The following DNAH7 variants were observed in gnomAD, a reference collection of about 807,000 sequenced individuals.
DNAH7 encodes dynein axonemal heavy chain 7.
DNAH7 carries 397 observed loss-of-function variants against 444.6 expected under a neutral mutation model. The ratio of observed to expected loss-of-function variants is 0.89; its 90% CI spans 0.82 to 0.97. DNAH7 has a LOEUF of 0.97. Among genes scored for constraint, DNAH7 ranks in the 50% least tolerant of loss-of-function variants. The pLI is 0.00. For synonymous variants in DNAH7, 1,636 were observed against 1,624.4 expected, an observed-to-expected ratio of 1.01 and a Z score of -0.17; for missense variants, 4,902 against 4,800.8, an observed-to-expected ratio of 1.02 and a Z score of -0.62.
intron 2 of DNAH7, among the ~76,000 whole-genome samples, chr2:196,053,006 C>T (rs1161347967): frequency 6.7e-6 from 1 of 149,742 alleles, no homozygotes; most frequent in Non-Finnish European, 1.5e-5. Flanking sequence ...AGGACTAAGT[C>T]CCTCTGCTTA....
chr2:195,865,368 T>C (rs1700268129), intron 40 of DNAH7, among the ~76,000 whole-genome samples: 1 of 152,204 alleles, frequency 6.6e-6, no homozygotes. Flanking sequence ...TGGGCACCAG[T>C]ACCCAGGGGG....
intron 63 of DNAH7, among the ~76,000 whole-genome samples, chr2:195,742,831 TA>T (rs1693124461): frequency 6.6e-6 from 1 of 152,210 alleles, no homozygotes; most frequent in South Asian, 2.1e-4. Context: ...GAATCTTAGG[TA>T]ATTGCATCTA....
At position 195,895,235 on chromosome 2, in the gene DNAH7, ATGATT is replaced by A. The variant is rs1702240175; in HGVS notation, c.4648-16_4648-12del. On this transcript the variant is annotated splice_polypyrimidine_tract_variant and intron_variant, in intron 29 of 64. Coordinates refer to ENST00000312428, the MANE Select transcript of DNAH7 (RefSeq NM_018897.3). ...ATCCGAAGTAATTCCCTGATGATAG[ATGATT>A]TGAAGGATTTACATTTTATATATTT... 6.3e-7 allele frequency: 1 copy of A among 1,581,736 alleles called. No homozygotes were observed. The highest frequency in any genetic ancestry group is 1.3e-5 in the African/African-American group (1 of 74,392).
intron 12 of DNAH7, chr2:195,994,941 C>CTT: frequency 6.7e-6 from 2 of 296,770 alleles, no homozygotes; most frequent in Non-Finnish European, 6.5e-6. Context: ...TTCCTTCTTC[C>CTT]TTTTCTTTAG....
rs1029869475 is a variant in DNAH7 at position 196,068,556 on chromosome 2, G to A, written c.15+141C>T. On this transcript the variant is annotated intron_variant, in intron 1 of 64. Transcript: ENST00000312428. ...TTCACGGAAAGCGCTCAGTAACCCAGGCCACAAGTGGGGTGAAGGAAGCTG... is the reference window on the plus strand; with the variant it reads ...TTCACGGAAAGCGCTCAGTAACCCAAGCCACAAGTGGGGTGAAGGAAGCTG... The A allele has an allele frequency of 3.9e-5, 44 of 1,130,950 alleles. No individual in the cohort carries two copies. The East Asian group carries it at 1.2e-3, about 31-fold the overall frequency. 70.1% of individuals were successfully genotyped at this position (1,130,950 alleles called of 1,614,324 possible). A position where few individuals can be genotyped will look rare whatever the true frequency, so the allele number is the denominator to read the frequency against.
At chr2:195,876,876 T>C (rs949097630) in intron 36 of DNAH7, among the ~76,000 whole-genome samples, 177 bp from the exon 37 acceptor site, 4 of 152,314 alleles carry the variant, frequency 2.6e-5, no homozygotes, top group African/African-American at 9.6e-5. Context: ...TCTCCATCTG[T>C]CCAGCCTCTT....
At chr2:195,951,353 C>CT (rs1690243424) in intron 19 of DNAH7, among the ~76,000 whole-genome samples, 1 of 152,124 alleles carries the variant, frequency 6.6e-6, no homozygotes, top group South Asian at 2.1e-4. Context: ...GAGTGTTTTA[C>CT]TTCCAATTAT....
At chr2:196,042,881 A>C (rs1356416971) in intron 5 of DNAH7, among the ~76,000 whole-genome samples, 1 of 152,152 alleles carries the variant, frequency 6.6e-6, no homozygotes, top group African/African-American at 2.4e-5. Context: ...TGTTCACAAG[A>C]AGACGTGCAT....
At chr2:195,740,173 TG>T (rs1470298864) in intron 64 of DNAH7, among the ~76,000 whole-genome samples, 1 of 151,976 alleles carries the variant, frequency 6.6e-6, no homozygotes, top group African/African-American at 2.4e-5. Context: ...CAGTAGAGAC[TG>T]GGGTTTCTCC....
At chr2:195,871,286 T>A (rs1199891915) in intron 40 of DNAH7, among the ~76,000 whole-genome samples, 1 of 152,200 alleles carries the variant, frequency 6.6e-6, no homozygotes, top group Non-Finnish European at 1.5e-5. Flanking sequence ...CATTCTCGTG[T>A]TCTATGTTTC....
At chr2:195,933,349 C>G (rs189116149) in intron 21 of DNAH7, among the ~76,000 whole-genome samples, 50 of 152,278 alleles carry the variant, frequency 3.3e-4, no homozygotes, top group African/African-American at 1.2e-3. Context: ...GGCGATTCCT[C>G]AGGGATCTAG....
intron 51 of DNAH7, among the ~76,000 whole-genome samples, chr2:195,810,773 C>T (rs770904495): frequency 5.3e-5 from 8 of 152,070 alleles, no homozygotes; most frequent in Non-Finnish European, 1.2e-4. Context: ...TAGAGAAAGC[C>T]TTGGCAATAG....
Position 196,060,257 on chromosome 2 carries a change from C to T in DNAH7, c.16-2141G>A, listed in dbSNP as rs115684098. Among the ~76,000 whole-genome samples the T allele has an allele frequency of 5.5e-3, 843 of 152,152 alleles. 9 individuals are homozygous for T. Among genetic ancestry groups the T allele is most frequent in the African/African-American group, 0.019 (803 of 41,524 alleles). Reference sequence around the variant, plus strand: ...CAAAAACAAACAAACAAAAAAACTACGTTTCCATTCAATAAAGAGAGATGG... The same window carrying T: ...CAAAAACAAACAAACAAAAAAACTATGTTTCCATTCAATAAAGAGAGATGG... On this transcript the variant is annotated intron_variant, in intron 1 of 64. Coordinates refer to ENST00000312428, the MANE Select transcript of DNAH7 (RefSeq NM_018897.3).
chr2:195,807,738 A>G (rs1422351586), intron 53 of DNAH7, among the ~76,000 whole-genome samples: 1 of 152,202 alleles, frequency 6.6e-6, no homozygotes, highest in Non-Finnish European at 1.5e-5. Context: ...AAACTTTAGG[A>G]AAAGCTATGT....
intron 12 of DNAH7, chr2:195,994,563 A>T (rs1369701869): frequency 2.1e-6 from 1 of 484,034 alleles, no homozygotes; most frequent in Non-Finnish European, 4.0e-6. Flanking sequence ...GTTTGTTTTC[A>T]CTGGATTGTG....
intron 58 of DNAH7, among the ~76,000 whole-genome samples, chr2:195,784,324 C>G (rs1695514003): frequency 6.6e-6 from 1 of 152,110 alleles, no homozygotes; most frequent in Non-Finnish European, 1.5e-5. Context: ...TTGCCTTTTT[C>G]AGGATGTCAT....
chr2:195,963,085 A>G (rs1037776214), intron 17 of DNAH7, among the ~76,000 whole-genome samples: 4 of 152,198 alleles, frequency 2.6e-5, no homozygotes, highest in African/African-American at 9.7e-5. Flanking sequence ...GGGAATGCAG[A>G]TATCTCTTTG....
intron 12 of DNAH7, among the ~76,000 whole-genome samples, chr2:195,997,830 G>T (rs1693793165): frequency 6.6e-6 from 1 of 152,056 alleles, no homozygotes; most frequent in Admixed American, 6.5e-5. Context: ...CACTTGTAGG[G>T]CATCATCTAG....
intron 4 of DNAH7, 26 bp from the exon 5 acceptor site, chr2:196,047,525 A>G: frequency 6.6e-7 from 1 of 1,508,888 alleles, no homozygotes; most frequent in Non-Finnish European, 8.9e-7. Flanking sequence ...AAAAAAAAGC[A>G]CAATTATTCA....
Sources: allele counts gnomAD v4.1 joint callset (sites outside exome capture counted in the v4.1 genomes callset), GRCh38; gene constraint gnomAD v4.1.1; transcripts MANE v1.5; gene names NCBI Gene and HGNC (gene_info 2026-07-23, HGNC 2026-07-21).